The following RGL1 variants were observed in gnomAD, a reference collection of about 807,000 sequenced individuals.
RGL1 encodes the protein ral guanine nucleotide dissociation stimulator-like 1.
In RGL1, 24 loss-of-function variants were observed where a neutral mutation model predicts 95.2. That is an observed-to-expected ratio of 0.25 (90% CI 0.18 to 0.35). The LOEUF is 0.35. Among genes scored for constraint, RGL1 ranks in the 10% least tolerant of loss-of-function variants. The pLI, the probability that RGL1 is intolerant of heterozygous loss-of-function variation, is 1.00. For synonymous variants in RGL1, 329 were observed against 344.9 expected (o/e 0.95, Z 0.51); for missense variants, 715 against 936.3 (o/e 0.76, Z 3.08).
intron 2 of RGL1, among the ~76,000 whole-genome samples, chr1:183,791,394 TG>T (rs1660435145): frequency 6.6e-6 from 1 of 152,262 alleles, no homozygotes; most frequent in Non-Finnish European, 1.5e-5. Context: ...GGTTAATTTT[TG>T]TTACAATTAT....
intron 9 of RGL1, among the ~76,000 whole-genome samples, chr1:183,894,099 G>T (rs952110875): frequency 6.6e-6 from 1 of 152,194 alleles, no homozygotes; most frequent in Non-Finnish European, 1.5e-5. Flanking sequence ...CCCTGGCTTT[G>T]CATACTTTAA....
At chr1:183,657,504 T>C (rs981710120) in intron 1 of RGL1, among the ~76,000 whole-genome samples, 1 of 151,998 alleles carries the variant, frequency 6.6e-6, no homozygotes, top group African/African-American at 2.4e-5. Flanking sequence ...TGTGTTCTCA[T>C]TGTTCAATTC....
chr1:183,781,490 C>T lies in RGL1; in HGVS notation c.133-24885C>T, dbSNP rs146564482. Among the ~76,000 whole-genome samples the T allele has an allele frequency of 3.6e-3, 549 of 152,172 alleles. 4 individuals carry two copies. The highest frequency in any genetic ancestry group is 0.012 in the African/African-American group (515 of 41,534). On this transcript the variant is annotated intron_variant, in intron 2 of 18. Transcript: ENST00000304685. ...AGTATAAGAAACCTAAACTAGGCCC[C>T]GGTTTTTCTCCCAAATGCCACTCCA...
At chr1:183,886,094 A>G (rs899782451) in intron 7 of RGL1, among the ~76,000 whole-genome samples, 1 of 152,072 alleles carries the variant, frequency 6.6e-6, no homozygotes, top group African/African-American at 2.4e-5. Flanking sequence ...TGTCCCCTTA[A>G]ATATATTTTT....
chr1:183,704,998 G>C (rs1447870619), intron 1 of RGL1, among the ~76,000 whole-genome samples: 1 of 152,176 alleles, frequency 6.6e-6, no homozygotes, highest in African/African-American at 2.4e-5. Flanking sequence ...CATTGGTGTA[G>C]AAGGAGAAAG....
At chr1:183,853,590 A>C (rs1664960444) in intron 3 of RGL1, among the ~76,000 whole-genome samples, 1 of 152,174 alleles carries the variant, frequency 6.6e-6, no homozygotes, top group East Asian at 1.9e-4. Context: ...GAAGAGACTA[A>C]TTCAGTAGGT....
intron 3 of RGL1, among the ~76,000 whole-genome samples, chr1:183,862,089 C>T (rs1665545956): frequency 6.6e-6 from 1 of 152,056 alleles, no homozygotes; most frequent in Non-Finnish European, 1.5e-5. Flanking sequence ...TGCCTGTAAT[C>T]CCAGCACTTT....
intron 2 of RGL1, among the ~76,000 whole-genome samples, chr1:183,784,231 C>T (rs114004786): frequency 1.7e-3 from 260 of 152,200 alleles, no homozygotes; most frequent in African/African-American, 6.2e-3. Context: ...AGATGACAAG[C>T]GGTCACCCAG....
intron 1 of RGL1, among the ~76,000 whole-genome samples, chr1:183,741,041 A>G (rs1657267711): frequency 6.6e-6 from 1 of 152,162 alleles, no homozygotes; most frequent in South Asian, 2.1e-4. Context: ...ATTGGAGAGA[A>G]GGTGTCACAA....
chr1:183,656,231 C>T (rs1483547055), intron 1 of RGL1, among the ~76,000 whole-genome samples: 3 of 151,948 alleles, frequency 2.0e-5, no homozygotes, highest in Admixed American at 2.0e-4. Context: ...AACTGTTCTG[C>T]TCTTTCCCCG....
chr1:183,853,384 G>T (rs1664946394), intron 3 of RGL1, among the ~76,000 whole-genome samples: 1 of 152,074 alleles, frequency 6.6e-6, no homozygotes, highest in Non-Finnish European at 1.5e-5. Context: ...GGTTAACTAG[G>T]TCTCCAGAAA....
intron 9 of RGL1, among the ~76,000 whole-genome samples, chr1:183,894,776 AC>A (rs796425673): frequency 9.9e-4 from 150 of 152,200 alleles, no homozygotes; most frequent in African/African-American, 3.4e-3. Context: ...GTTTTAAATG[AC>A]CTAACTTCTC....
At chr1:183,688,401 T>C (rs555757457) in intron 1 of RGL1, among the ~76,000 whole-genome samples, 102 of 152,282 alleles carry the variant, frequency 6.7e-4, no homozygotes, top group Non-Finnish European at 8.8e-5. Flanking sequence ...TATGTCTTTA[T>C]TATAAATTTT....
At chr1:183,898,645 A>G (rs1203957142) in intron 10 of RGL1, among the ~76,000 whole-genome samples, 1 of 152,248 alleles carries the variant, frequency 6.6e-6, no homozygotes. Context: ...CTTCCGCAAC[A>G]TGAAGCCTAT....
intron 2 of RGL1, among the ~76,000 whole-genome samples, chr1:183,762,438 G>A (rs745899796): frequency 6.6e-6 from 1 of 152,180 alleles, no homozygotes; most frequent in Non-Finnish European, 1.5e-5. Flanking sequence ...AACACACACA[G>A]CTTTGATCAA....
intron 1 of RGL1, among the ~76,000 whole-genome samples, chr1:183,698,601 G>A (rs1008257637): frequency 3.9e-5 from 6 of 152,268 alleles, no homozygotes; most frequent in Non-Finnish European, 5.9e-5. Flanking sequence ...GTAAATTTCT[G>A]ATCTCATTGC....
chr1:183,733,320 T>A (rs7536447), intron 1 of RGL1, among the ~76,000 whole-genome samples: 71,097 of 151,902 alleles, frequency 0.47, 17,485 homozygotes, highest in East Asian at 0.8. Flanking sequence ...CAGGATTCTG[T>A]AAGATATGGC....
intron 2 of RGL1, among the ~76,000 whole-genome samples, chr1:183,783,154 G>T (rs923576173): frequency 6.6e-6 from 1 of 152,044 alleles, no homozygotes; most frequent in African/African-American, 2.4e-5. Flanking sequence ...ATTTCTACTG[G>T]GTTACTGAAT....
At chr1:183,654,228 A>G (rs1399203759) in intron 1 of RGL1, among the ~76,000 whole-genome samples, 1 of 152,078 alleles carries the variant, frequency 6.6e-6, no homozygotes, top group African/African-American at 2.4e-5. Context: ...CCTCAGGTGT[A>G]TTCATGAACT....
Sources: allele counts gnomAD v4.1 joint callset (sites outside exome capture counted in the v4.1 genomes callset), GRCh38; gene constraint gnomAD v4.1.1; transcripts MANE v1.5; gene names NCBI Gene and HGNC (gene_info 2026-07-23, HGNC 2026-07-21).